PRELID2: variants seen among roughly 807,000 people sequenced by gnomAD.
PRELID2 encodes PRELI domain-containing protein 2.
PRELID2 carries 25 observed loss-of-function variants against 28.4 expected under a neutral mutation model. That is an observed-to-expected ratio of 0.88 (90% CI 0.64 to 1.23). The LOEUF (loss-of-function observed/expected upper bound fraction) is 1.23. Among genes scored for constraint, PRELID2 ranks in the 50% most tolerant of loss-of-function variants. PRELID2 has a pLI of 0.00. For synonymous variants in PRELID2, 76 were observed against 71.6 expected, an observed-to-expected ratio of 1.06 and a Z score of -0.31; for missense variants, 201 against 214.4, an observed-to-expected ratio of 0.94 and a Z score of 0.39.
chr5:145,466,788 G>T, the PRELID2 span, among the ~76,000 whole-genome samples: 88 of 152,094 alleles, frequency 5.8e-4, no homozygotes, highest in African/African-American at 2.0e-3. Flanking sequence ...ACTTATTTCA[G>T]GGCCGCCCAG....
At chr5:145,707,301 A>G (rs1183501229) in intron 1 of PRELID2, among the ~76,000 whole-genome samples, 3 of 152,260 alleles carry the variant, frequency 2.0e-5, no homozygotes, top group East Asian at 3.9e-4. Flanking sequence ...CTCCCTCTTG[A>G]TTTTGTGTCA....
At chr5:145,274,642 A>G in the PRELID2 span, among the ~76,000 whole-genome samples, 1 of 152,186 alleles carries the variant, frequency 6.6e-6, no homozygotes, top group South Asian at 2.1e-4. Flanking sequence ...AAATATTTGC[A>G]TATATATTGT....
At chr5:145,659,369 T>G (rs1308775308) in intron 1 of PRELID2, among the ~76,000 whole-genome samples, 1 of 152,254 alleles carries the variant, frequency 6.6e-6, no homozygotes, top group Non-Finnish European at 1.5e-5. Context: ...ACCCTATGTG[T>G]ACATTTATTT....
At chr5:145,569,110 A>T (rs1752995018) in intron 1 of PRELID2, among the ~76,000 whole-genome samples, 1 of 152,236 alleles carries the variant, frequency 6.6e-6, no homozygotes, top group South Asian at 2.1e-4. Context: ...GTTAAGACCC[A>T]TTGAGTGATG....
the PRELID2 span, among the ~76,000 whole-genome samples, chr5:145,368,110 T>G: frequency 3.9e-5 from 6 of 151,988 alleles, no homozygotes; most frequent in Non-Finnish European, 7.4e-5. Context: ...GTTTATATAT[T>G]TATTGCCTGT....
At chr5:145,260,090 C>A in the PRELID2 span, among the ~76,000 whole-genome samples, 1 of 152,248 alleles carries the variant, frequency 6.6e-6, no homozygotes, top group South Asian at 2.1e-4. Flanking sequence ...GCTCCTGTTC[C>A]TGCTCCTGCC....
At chr5:145,695,329 CAG>C (rs1277387735) in intron 1 of PRELID2, among the ~76,000 whole-genome samples, 1 of 152,112 alleles carries the variant, frequency 6.6e-6, no homozygotes, top group East Asian at 1.9e-4. Flanking sequence ...AGCCCTGAGG[CAG>C]AAAAGAGCTT....
chr5:145,796,309 A>G, intron 5 of PRELID2, 133 bp downstream of exon 5: 1 of 475,326 alleles, frequency 2.1e-6, no homozygotes. Context: ...GAGGTTGATT[A>G]TTTTTGCATA....
chr5:145,235,349 C>A, the PRELID2 span, among the ~76,000 whole-genome samples: 4 of 152,100 alleles, frequency 2.6e-5, no homozygotes, highest in Admixed American at 6.6e-5. Flanking sequence ...AATTATATAG[C>A]TGTCACTCAA....
intron 1 of PRELID2, among the ~76,000 whole-genome samples, chr5:145,530,618 C>T (rs182040008): frequency 5.3e-5 from 8 of 152,068 alleles, no homozygotes; most frequent in South Asian, 2.1e-4. Context: ...ACTCTGGTAA[C>T]GAACGCAGGA....
At chr5:145,682,667 C>A (rs1210321932) in intron 1 of PRELID2, among the ~76,000 whole-genome samples, 1 of 152,050 alleles carries the variant, frequency 6.6e-6, no homozygotes, top group Non-Finnish European at 1.5e-5. Flanking sequence ...ATGACAGCAG[C>A]CATGAGGAGG....
At chr5:145,533,176 C>T (rs1457124509) in intron 1 of PRELID2, among the ~76,000 whole-genome samples, 1 of 152,046 alleles carries the variant, frequency 6.6e-6, no homozygotes, top group Non-Finnish European at 1.5e-5. Context: ...AGTGCCAATA[C>T]ACCAGTGACA....
the PRELID2 span, among the ~76,000 whole-genome samples, chr5:145,285,508 G>C: frequency 6.6e-6 from 1 of 152,232 alleles, no homozygotes; most frequent in East Asian, 1.9e-4. Flanking sequence ...TATCTTAAAT[G>C]AACTACTCTG....
the PRELID2 span, among the ~76,000 whole-genome samples, chr5:145,255,980 C>G: frequency 6.6e-6 from 1 of 151,794 alleles, no homozygotes; most frequent in Admixed American, 6.6e-5. Context: ...TGGTAAGAGA[C>G]ATTACATTAG....
intron 1 of PRELID2, among the ~76,000 whole-genome samples, chr5:145,494,108 T>C (rs1177412646): frequency 1.3e-5 from 2 of 152,218 alleles, no homozygotes; most frequent in Admixed American, 6.6e-5. Context: ...TCAGGGTCTC[T>C]TATTTTACAG....
the PRELID2 span, among the ~76,000 whole-genome samples, chr5:145,247,116 C>T: frequency 1.4e-3 from 211 of 152,298 alleles, 5 homozygotes; most frequent in East Asian, 0.031. Flanking sequence ...GCTGACACCA[C>T]ACCCAGACTT....
chr5:145,696,792 C>T lies in PRELID2; in HGVS notation n.70+68139G>A, dbSNP rs539458697. On this transcript the variant is annotated intron_variant and non_coding_transcript_variant, in intron 1 of 2. Coordinates refer to the PRELID2 transcript ENST00000510259. ...TCTAAAATATTTGAAAAAATCATTA[C>T]AGTTCTTAACATTCCCAGCAATTTG... Among the ~76,000 whole-genome samples the T allele has an allele frequency of 2.0e-5, 3 of 152,070 alleles. No individual in the cohort carries two copies. In the East Asian group the frequency reaches 5.8e-4, roughly 29 times the overall value.
At chr5:145,559,938 G>T (rs778366722) in intron 1 of PRELID2, among the ~76,000 whole-genome samples, 4 of 151,990 alleles carry the variant, frequency 2.6e-5, no homozygotes, top group Non-Finnish European at 5.9e-5. Context: ...GACTTATGGT[G>T]GGGTCATGTT....
chr5:145,611,484 G>T (rs1312011109), intron 1 of PRELID2, among the ~76,000 whole-genome samples: 2 of 152,034 alleles, frequency 1.3e-5, no homozygotes, highest in African/African-American at 4.8e-5. Context: ...AAAATTACTT[G>T]CAATACCATA....
Sources: allele counts gnomAD v4.1 joint callset (sites outside exome capture counted in the v4.1 genomes callset), GRCh38; gene constraint gnomAD v4.1.1; transcripts MANE v1.5; gene names NCBI Gene and HGNC (gene_info 2026-07-23, HGNC 2026-07-21).